The following PLEKHA5 variants were observed in gnomAD, a reference collection of about 807,000 sequenced individuals.
PLEKHA5 encodes the protein pleckstrin homology domain-containing family A member 5.
In PLEKHA5, 55 loss-of-function variants were observed where a neutral mutation model predicts 181.9. The observed-to-expected ratio is 0.30, with a 90% CI of 0.24 to 0.38. The LOEUF is 0.38. Among genes scored for constraint, PLEKHA5 ranks in the 10% least tolerant of loss-of-function variants. The pLI, the probability that PLEKHA5 is intolerant of heterozygous loss-of-function variation, is 1.00. For missense variants in PLEKHA5, 1,432 were observed against 1,549.5 expected (o/e 0.92, Z 1.27); for synonymous variants, 535 against 529.4 (o/e 1.01, Z -0.15).
intron 11 of PLEKHA5, among the ~76,000 whole-genome samples, chr12:19,276,616 G>A (rs549078360): frequency 2.0e-5 from 3 of 152,234 alleles, no homozygotes; most frequent in South Asian, 2.1e-4. Context: ...TCTTGAACCC[G>A]GGAGGCAGAG....
intron 3 of PLEKHA5, among the ~76,000 whole-genome samples, chr12:19,232,269 G>T (rs576514824): frequency 1.9e-3 from 295 of 152,200 alleles, no homozygotes; most frequent in African/African-American, 6.9e-3. Flanking sequence ...TTCCTAATAT[G>T]TAGTACTGGA....
chr12:19,224,569 T>G (rs2152326440), intron 3 of PLEKHA5, among the ~76,000 whole-genome samples: 1 of 152,248 alleles, frequency 6.6e-6, no homozygotes, highest in Non-Finnish European at 1.5e-5. Context: ...TTTTAAAAAT[T>G]GTTGCATAAA....
At chr12:19,364,408 G>A (rs2095357052) in intron 29 of PLEKHA5, among the ~76,000 whole-genome samples, 1 of 151,910 alleles carries the variant, frequency 6.6e-6, no homozygotes, top group African/African-American at 2.4e-5. Context: ...CTGCTTGTGA[G>A]ACTGAGGCAC....
At chr12:19,232,017 T>G (rs973672954) in intron 3 of PLEKHA5, among the ~76,000 whole-genome samples, 7 of 152,120 alleles carry the variant, frequency 4.6e-5, no homozygotes, top group African/African-American at 1.7e-4. Flanking sequence ...GAAGCTGAGA[T>G]GCCCTATGAA....
intron 16 of PLEKHA5, among the ~76,000 whole-genome samples, chr12:19,315,716 A>C (rs1479782212): frequency 1.3e-5 from 2 of 152,182 alleles, no homozygotes; most frequent in East Asian, 3.9e-4. Context: ...ATTAACTAAC[A>C]TGAAAAATGA....
chr12:19,224,114 T>C (rs2059366555), intron 3 of PLEKHA5, among the ~76,000 whole-genome samples: 1 of 152,204 alleles, frequency 6.6e-6, no homozygotes, highest in Admixed American at 6.5e-5. Flanking sequence ...CCACTGTTTA[T>C]ACTAAAGTGT....
intron 3 of PLEKHA5, among the ~76,000 whole-genome samples, chr12:19,189,508 T>C (rs932241298): frequency 6.6e-6 from 1 of 151,840 alleles, no homozygotes; most frequent in African/African-American, 2.4e-5. Flanking sequence ...GGAAAAAATA[T>C]TTGTTCTTTT....
chr12:19,188,955 A>C (rs1204140223), intron 3 of PLEKHA5, among the ~76,000 whole-genome samples: 1 of 152,226 alleles, frequency 6.6e-6, no homozygotes, highest in Non-Finnish European at 1.5e-5. Context: ...ACAGTGATGA[A>C]TAAAACAGGC....
intron 7 of PLEKHA5, among the ~76,000 whole-genome samples, chr12:19,263,299 G>A (rs2069125150): frequency 6.6e-6 from 1 of 152,054 alleles, no homozygotes; most frequent in South Asian, 2.1e-4. Context: ...GCACGCGAGG[G>A]GAAACTCATA....
intron 20 of PLEKHA5, among the ~76,000 whole-genome samples, chr12:19,334,472 C>T (rs1041218736): frequency 1.3e-5 from 2 of 152,110 alleles, no homozygotes; most frequent in Non-Finnish European, 1.5e-5. Flanking sequence ...TGCAGTTAAG[C>T]CTACCCTGAA....
Position 19,347,152 on chromosome 12 carries a change from T to A in PLEKHA5, c.2868T>A (p.Val956=). 6.5e-7 allele frequency: 1 copy of A among 1,549,308 alleles called. No homozygotes were observed. The highest frequency in any genetic ancestry group is 8.7e-7 in the Non-Finnish European group (1 of 1,145,332). Residue 956 remains valine (V), a synonymous_variant, in exon 24 of 32, where the codon GTT becomes GTA. Transcript: ENST00000429027. ...HLPEEKKMYQ[V]QGYPRNGSHC... ...CTGAAGAAAAGAAGATGTATCAAGT[T>A]CAAGGATATCCAAGAAATGGATCTC...
chr12:19,333,491 A>G (rs2093054272), intron 20 of PLEKHA5, among the ~76,000 whole-genome samples: 1 of 151,578 alleles, frequency 6.6e-6, no homozygotes, highest in South Asian at 2.1e-4. Context: ...CGGGAGGTCG[A>G]TGCAGAAGAA....
intron 28 of PLEKHA5, among the ~76,000 whole-genome samples, chr12:19,359,861 G>A (rs2153231487): frequency 6.6e-6 from 1 of 152,008 alleles, no homozygotes; most frequent in African/African-American, 2.4e-5. Context: ...AGCTACTGGG[G>A]AGGCTGAGGC....
intron 3 of PLEKHA5, among the ~76,000 whole-genome samples, chr12:19,138,778 T>A (rs59579775): frequency 0.019 from 2,952 of 152,044 alleles, 89 homozygotes; most frequent in African/African-American, 0.067. Flanking sequence ...TATGTGAATA[T>A]GTGTGATGAG....
chr12:19,146,718 T>C (rs2151220936), intron 3 of PLEKHA5, among the ~76,000 whole-genome samples: 1 of 152,290 alleles, frequency 6.6e-6, no homozygotes, highest in South Asian at 2.1e-4. Flanking sequence ...TAATATACCT[T>C]AGACCAGTTA....
intron 25 of PLEKHA5, among the ~76,000 whole-genome samples, chr12:19,350,650 T>G (rs2094547780): frequency 6.6e-6 from 1 of 152,058 alleles, no homozygotes; most frequent in Admixed American, 6.6e-5. Context: ...GCACCTGTAA[T>G]TCCAGCTACT....
intron 12 of PLEKHA5, among the ~76,000 whole-genome samples, chr12:19,285,901 G>C (rs1381370260): frequency 6.6e-6 from 1 of 152,190 alleles, no homozygotes; most frequent in South Asian, 2.1e-4. Flanking sequence ...GGAGTTGCAA[G>C]CTGAATTAGT....
At chr12:19,200,661 C>G (rs1394969500) in intron 3 of PLEKHA5, 35 of 1,058,070 alleles carry the variant, frequency 3.3e-5, no homozygotes, top group East Asian at 6.6e-5. Flanking sequence ...TATCTTCATT[C>G]ATTTTTCTTA....
chr12:19,348,260 A>C lies in PLEKHA5; in HGVS notation c.2899-139A>C, dbSNP rs193301356. The stretch of plus-strand genomic sequence containing the variant: ...TTTCTTCTTTCCACGTAATTGTGAC[A>C]TAGGTATTATTTGTGTTATATCCCA... On this transcript the variant is annotated intron_variant, in intron 24 of 31. Transcript: ENST00000429027. 5.6e-5 allele frequency: 33 copies of C among 585,200 alleles called. No individual in the cohort carries two copies. In the East Asian group the frequency reaches 1.1e-3, roughly 20 times the overall value. 36.3% of individuals were successfully genotyped at this position (585,200 alleles called of 1,614,324 possible). A position where few individuals can be genotyped will look rare whatever the true frequency, so the allele number is the denominator to read the frequency against.
Sources: allele counts gnomAD v4.1 joint callset (sites outside exome capture counted in the v4.1 genomes callset), GRCh38; gene constraint gnomAD v4.1.1; transcripts MANE v1.5; gene names NCBI Gene and HGNC (gene_info 2026-07-23, HGNC 2026-07-21).